FUBP3: variants seen among roughly 807,000 people sequenced by gnomAD.
FUBP3 encodes far upstream element-binding protein 3.
In FUBP3, 28 loss-of-function variants were observed where a neutral mutation model predicts 85.6. The ratio of observed to expected loss-of-function variants is 0.33; its 90% CI spans 0.24 to 0.45. The LOEUF (loss-of-function observed/expected upper bound fraction) is 0.45, where lower values mean the gene tolerates loss of function less well. FUBP3 is among the 20% of genes least tolerant of loss of function. The pLI is 1.00. For synonymous variants in FUBP3, 271 were observed against 271.4 expected, an observed-to-expected ratio of 1.00 and a Z score of 0.01; for missense variants, 583 against 755.1, an observed-to-expected ratio of 0.77 and a Z score of 2.67.
chr9:130,624,165 A>G (rs1470942471), intron 11 of FUBP3, among the ~76,000 whole-genome samples: 2 of 152,214 alleles, frequency 1.3e-5, no homozygotes, highest in Non-Finnish European at 2.9e-5. Context: ...AGGAACCCCT[A>G]TAACTGATGG....
chr9:130,579,885 G>GCCGTT, intron 1 of FUBP3, 121 bp downstream of exon 1: 3 of 574,594 alleles, frequency 5.2e-6, no homozygotes, highest in South Asian at 1.9e-4. Context: ...GCCGGGCCGG[G>GCCGTT]CCGTTCCGTG....
At chr9:130,621,102 A>T (rs760157776) in intron 9 of FUBP3, among the ~76,000 whole-genome samples, 73 of 152,336 alleles carry the variant, frequency 4.8e-4, no homozygotes, top group Middle Eastern at 3.4e-3. Context: ...AATGTCATTG[A>T]ATTGTGTACT....
chr9:130,617,943 A>T, intron 8 of FUBP3, 48 bp downstream of exon 8: 1 of 812,654 alleles, frequency 1.2e-6, no homozygotes, highest in Non-Finnish European at 2.0e-6. Flanking sequence ...TGGGGCTATC[A>T]CTCGGTGGTA....
intron 17 of FUBP3, among the ~76,000 whole-genome samples, 154 bp downstream of exon 17, chr9:130,634,892 C>T (rs906178301): frequency 1.3e-4 from 20 of 151,970 alleles, no homozygotes; most frequent in Non-Finnish European, 1.9e-4. Flanking sequence ...CTGTACCTGC[C>T]TGCTTCTTTC....
At chr9:130,620,783 G>A (rs1462939525) in intron 9 of FUBP3, among the ~76,000 whole-genome samples, 1 of 152,218 alleles carries the variant, frequency 6.6e-6, no homozygotes, top group Non-Finnish European at 1.5e-5. Context: ...AGCAGCCTGT[G>A]TTTATTGATG....
intron 2 of FUBP3, among the ~76,000 whole-genome samples, chr9:130,605,759 G>T (rs752369601): frequency 2.6e-5 from 4 of 152,184 alleles, no homozygotes; most frequent in Non-Finnish European, 5.9e-5. Context: ...CAAGGCAGGC[G>T]GATCACCTGA....
rs1272241554 is a variant in FUBP3, at chr9:130,626,369, A to G, written c.981A>G (p.Arg327=). ...ISELILTAQE[R]DGFGGLAAAR... ...CAGCCCTGTGATCTTTCCAGGAAAG[A>G]GACGGCTTTGGAGGCCTGGCAGCAG... Residue 327 remains arginine (R), a synonymous_variant, in exon 12 of 19, where the codon AGA becomes AGG. Transcript: ENST00000319725. The G allele has an allele frequency of 1.2e-6, 2 of 1,612,474 alleles. No homozygotes were observed. The highest frequency in any genetic ancestry group is 1.7e-5 in the Admixed American group (1 of 59,792).
rs1169930346 is a variant in FUBP3 at position 130,613,125 on chromosome 9, T to C, written c.346+98T>C. Reference sequence around the variant, plus strand: ...TTTGCTTGTTGCTTGGGTAAGTATATGCGATTAGTGTTTTCCTTGCACTTT... The same window carrying C: ...TTTGCTTGTTGCTTGGGTAAGTATACGCGATTAGTGTTTTCCTTGCACTTT... On this transcript the variant is annotated intron_variant, in intron 5 of 18. Coordinates refer to ENST00000319725, the MANE Select transcript of FUBP3 (RefSeq NM_003934.2). The C allele has an allele frequency of 5.5e-6, 4 of 729,306 alleles. No individual in the cohort carries two copies. The South Asian group carries it at 6.6e-5, about 12-fold the overall frequency. 45.2% of individuals were successfully genotyped at this position (729,306 alleles called of 1,614,324 possible). A position where few individuals can be genotyped will look rare whatever the true frequency, so the allele number is the denominator to read the frequency against.
intron 1 of FUBP3, among the ~76,000 whole-genome samples, chr9:130,591,012 T>G (rs1017357604): frequency 4.0e-4 from 36 of 90,336 alleles, no homozygotes; most frequent in African/African-American, 1.4e-3. Flanking sequence ...TTTGTTTGTT[T>G]TTGTTTTTTT....
chr9:130,593,721 C>T (rs972597537), intron 1 of FUBP3, among the ~76,000 whole-genome samples: 7 of 152,212 alleles, frequency 4.6e-5, no homozygotes, highest in Admixed American at 4.6e-4. Context: ...GAAGACTTTG[C>T]TCTGGGGCAC....
intron 1 of FUBP3, among the ~76,000 whole-genome samples, chr9:130,582,471 A>G (rs1830172867): frequency 6.6e-6 from 1 of 151,738 alleles, no homozygotes; most frequent in Admixed American, 6.6e-5. Flanking sequence ...AAAGAAAAAG[A>G]AAAAGAAAGA....
At chr9:130,611,392 C>T (rs181733472) in intron 3 of FUBP3, among the ~76,000 whole-genome samples, 2 of 152,210 alleles carry the variant, frequency 1.3e-5, no homozygotes, top group Admixed American at 1.3e-4. Context: ...GAATGAATTG[C>T]CTGATTTGGG....
At chr9:130,631,762 T>C (rs1830219981) in intron 14 of FUBP3, 132 bp downstream of exon 14, 1 of 845,992 alleles carries the variant, frequency 1.2e-6, no homozygotes, top group Non-Finnish European at 2.0e-6. Flanking sequence ...TCGTTTCTTT[T>C]CCTCTCACCA....
At chr9:130,606,551 T>C (rs958205746) in intron 2 of FUBP3, among the ~76,000 whole-genome samples, 7 of 152,050 alleles carry the variant, frequency 4.6e-5, no homozygotes, top group Non-Finnish European at 1.0e-4. Flanking sequence ...CCGGGCGCGG[T>C]GGCTCACGCC....
At chr9:130,636,199 C>A in intron 18 of FUBP3, 73 bp downstream of exon 18, 1 of 1,482,338 alleles carries the variant, frequency 6.7e-7, no homozygotes, top group Non-Finnish European at 9.4e-7. Context: ...TCTGTGTTTC[C>A]TGACCCCAGG....
At chr9:130,579,822 G>C in intron 1 of FUBP3, 58 bp downstream of exon 1, 1 of 1,091,670 alleles carries the variant, frequency 9.2e-7, no homozygotes. Context: ...CTGGCGGGCG[G>C]GGAAGAGGGG....
intron 7 of FUBP3, 57 bp from the exon 8 acceptor site, chr9:130,617,740 C>T (rs1832079719): frequency 9.2e-7 from 1 of 1,082,144 alleles, no homozygotes; most frequent in Non-Finnish European, 1.4e-6. Flanking sequence ...TTTGTGCTGC[C>T]CTGCATTTCA....
intron 16 of FUBP3, 80 bp from the exon 17 acceptor site, chr9:130,634,587 G>A (rs909546762): frequency 1.9e-4 from 209 of 1,121,942 alleles, no homozygotes; most frequent in Middle Eastern, 1.4e-3. Context: ...GGAGTGCAGG[G>A]CAGGGCCTGC....
Position 130,622,822 on chromosome 9 carries a change from G to A in FUBP3, c.874+12G>A. On this transcript the variant is annotated intron_variant, in intron 10 of 18. Transcript: ENST00000319725. ...TCAGTTTAAACCAGGTGGGTATGAT[G>A]ATTTAAAAATCCTTAGTGTTAAAAA... is the stretch of plus-strand genomic sequence containing the variant. 2 of 1,259,242 alleles carry A rather than the reference G, an allele frequency of 1.6e-6. No individual in the cohort carries two copies. Among genetic ancestry groups the A allele is most frequent in the Non-Finnish European group, 2.2e-6 (2 of 890,252 alleles). The allele number at this position is 1,259,242 out of a possible 1,614,324, so 78.0% of individuals were successfully genotyped here. A position where few individuals can be genotyped will look rare whatever the true frequency, so the allele number is the denominator to read the frequency against.
Sources: allele counts gnomAD v4.1 joint callset (sites outside exome capture counted in the v4.1 genomes callset), GRCh38; gene constraint gnomAD v4.1.1; transcripts MANE v1.5; gene names NCBI Gene and HGNC (gene_info 2026-07-23, HGNC 2026-07-21).